The following GORASP2 variants were observed in gnomAD, a reference collection of about 807,000 sequenced individuals.
The protein encoded by GORASP2 is Golgi reassembly-stacking protein 2.
In GORASP2, 22 loss-of-function variants were observed where a neutral mutation model predicts 45.7. That is an observed-to-expected ratio of 0.48 (90% CI 0.34 to 0.69). GORASP2 has a LOEUF of 0.69. GORASP2 is among the 30% of genes least tolerant of loss of function. The probability of loss-of-function intolerance (pLI) is 0.01; values close to 1 mark genes in which losing one functional copy is unlikely to be tolerated. For missense variants in GORASP2, 491 were observed against 562.7 expected, an observed-to-expected ratio of 0.87 and a Z score of 1.29; for synonymous variants, 221 against 215.6, an observed-to-expected ratio of 1.02 and a Z score of -0.22.
At position 170,958,694 on chromosome 2, in the gene GORASP2, T is replaced by C. The variant is rs1174671280; in HGVS notation, c.823+2135T>C. 7.1e-4 allele frequency among the ~76,000 whole-genome samples: 102 copies of C among 142,780 alleles called. 5 individuals carry two copies. The highest frequency in any genetic ancestry group is 2.9e-4 in the Non-Finnish European group (19 of 66,348). 93.7% of individuals were successfully genotyped at this position (142,780 alleles called of 152,430 possible). The stretch of plus-strand genomic sequence containing the variant: ...TTTTTTAAAAAAAAAAAAAACAGAC[T>C]CTGTTGCCCAGGAAGGCTAGAGTAC... On this transcript the variant is annotated intron_variant, in intron 7 of 9. Transcript: ENST00000234160.
chr2:170,930,544 A>G (rs1014744852), intron 1 of GORASP2, among the ~76,000 whole-genome samples: 1 of 152,156 alleles, frequency 6.6e-6, no homozygotes, highest in South Asian at 2.1e-4. Context: ...TGTCTATGTG[A>G]TAGGGCTGAG....
At position 170,937,143 on chromosome 2, in the gene GORASP2, G is replaced by A. The variant is rs1462038800; in HGVS notation, c.63+7740G>A. Among the ~76,000 whole-genome samples the A allele has an allele frequency of 2.0e-5, 3 of 152,204 alleles. No homozygotes were observed. The East Asian group carries it at 5.8e-4, about 30-fold the overall frequency. ...GAATCGCTTGAACCCTGGAGGTGGA[G>A]GTTGCAGTGAGCCGAGATGGTGCCA... On this transcript the variant is annotated intron_variant, in intron 1 of 9. Transcript: ENST00000234160.
chr2:170,965,309 G>T (rs1346299438), intron 9 of GORASP2, among the ~76,000 whole-genome samples: 1 of 152,196 alleles, frequency 6.6e-6, no homozygotes, highest in Non-Finnish European at 1.5e-5. Flanking sequence ...TCCTGGTGAG[G>T]ACAGTGGAAA....
intron 1 of GORASP2, among the ~76,000 whole-genome samples, chr2:170,938,939 G>T (rs543010396): frequency 6.6e-6 from 1 of 152,308 alleles, no homozygotes; most frequent in South Asian, 2.1e-4. Flanking sequence ...GTTGCTGTGA[G>T]CTGAGATTGC....
intron 9 of GORASP2, among the ~76,000 whole-genome samples, chr2:170,963,470 T>TCCTCCTCCTCCC (rs1553599771): frequency 1.5e-5 from 1 of 66,490 alleles, no homozygotes; most frequent in African/African-American, 6.6e-5. Flanking sequence ...CTCCTCCTCC[T>TCCTCCTCCTCCC]CCCCCTCCTC....
intron 9 of GORASP2, among the ~76,000 whole-genome samples, 161 bp from the exon 10 acceptor site, chr2:170,965,629 C>A (rs544699438): frequency 2.6e-5 from 4 of 152,200 alleles, no homozygotes; most frequent in Non-Finnish European, 5.9e-5. Context: ...AATAGTTAAC[C>A]CTGCCAGGGC....
chr2:170,947,864 T>C (rs1460440923), intron 1 of GORASP2, among the ~76,000 whole-genome samples: 1 of 152,196 alleles, frequency 6.6e-6, no homozygotes, highest in African/African-American at 2.4e-5. Flanking sequence ...CTCACACCTG[T>C]AATCCCAGCA....
chr2:170,963,961 A>T (rs2105330806), intron 9 of GORASP2, among the ~76,000 whole-genome samples: 1 of 92,998 alleles, frequency 1.1e-5, no homozygotes, highest in South Asian at 2.8e-4. Context: ...CTTCTTTTGT[A>T]AAAAAAAAAT....
chr2:170,949,151 AAT>A, intron 2 of GORASP2, among the ~76,000 whole-genome samples: 1 of 152,318 alleles, frequency 6.6e-6, no homozygotes, highest in South Asian at 2.1e-4. Flanking sequence ...TGTATTTAGA[AAT>A]AGAGTCCAAA....
At chr2:170,931,324 CT>C (rs1232175024) in intron 1 of GORASP2, among the ~76,000 whole-genome samples, 11 of 152,196 alleles carry the variant, frequency 7.2e-5, no homozygotes, top group African/African-American at 1.7e-4. Context: ...CCCTCTGCCC[CT>C]GATTCTGTAA....
intron 9 of GORASP2, among the ~76,000 whole-genome samples, chr2:170,964,096 TTC>T (rs1704634063): frequency 6.6e-6 from 1 of 152,256 alleles, no homozygotes; most frequent in Non-Finnish European, 1.5e-5. Flanking sequence ...CACTCAGATT[TTC>T]TGTCTGAAAA....
chr2:170,959,752 T>C (rs754360616), intron 7 of GORASP2, among the ~76,000 whole-genome samples: 6 of 152,116 alleles, frequency 3.9e-5, no homozygotes, highest in Non-Finnish European at 8.8e-5. Context: ...ATAAAATTTT[T>C]AGAAAAGATT....
chr2:170,954,880 G>T, intron 6 of GORASP2, 98 bp downstream of exon 6: 1 of 866,782 alleles, frequency 1.2e-6, no homozygotes, highest in South Asian at 1.7e-5. Context: ...ATGAAAATAG[G>T]GTAGACGATG....
chr2:170,956,788 C>T (rs1384803273), intron 7 of GORASP2, among the ~76,000 whole-genome samples: 1 of 151,926 alleles, frequency 6.6e-6, no homozygotes. Flanking sequence ...GTGGTGTGCA[C>T]CTGTAGTCCC....
Position 170,956,476 on chromosome 2 carries a change from C to T in GORASP2, c.740C>T (p.Pro247Leu). ...GTTAATCCCCCGTCTTTGTCACCAC[C>T]AGGAACTACAGGAATTGAACAGAGT... ...SSVNPPSLSP[P>L]GTTGIEQSLT... is the part of the protein sequence containing the mutation. The change falls in exon 7 of 10, where the codon CCA becomes CTA. Residue 247 changes from proline (P) to leucine (L), a missense_variant. Transcript: ENST00000234160. 6.2e-7 allele frequency: 1 copy of T among 1,613,132 alleles called. No individual in the cohort carries two copies. The highest frequency in any genetic ancestry group is 8.5e-7 in the Non-Finnish European group (1 of 1,179,290).
chr2:170,961,655 C>A lies in GORASP2; in HGVS notation c.824-8C>A, dbSNP rs1704564858. 2.0e-6 allele frequency: 3 copies of A among 1,466,698 alleles called. No individual in the cohort carries two copies. Among genetic ancestry groups the A allele is most frequent in the Non-Finnish European group, 2.9e-6 (3 of 1,045,528 alleles). 90.9% of individuals were successfully genotyped at this position (1,466,698 alleles called of 1,614,324 possible). On this transcript the variant is annotated splice_region_variant and splice_polypyrimidine_tract_variant and intron_variant, in intron 7 of 9. Transcript: ENST00000234160. ...GTTAGAAATGAAAAGATTGTGCTTT[C>A]TTTTTAGGTGTACCAACAGTACCGT...
intron 8 of GORASP2, 65 bp from the exon 9 acceptor site, chr2:170,962,774 A>G (rs1219762965): frequency 9.4e-7 from 1 of 1,067,878 alleles, no homozygotes; most frequent in African/African-American, 1.6e-5. Flanking sequence ...TTTTTAATAC[A>G]CGAGGATTTA....
At chr2:170,937,462 A>G (rs1009652575) in intron 1 of GORASP2, among the ~76,000 whole-genome samples, 20 of 152,168 alleles carry the variant, frequency 1.3e-4, no homozygotes, top group African/African-American at 3.9e-4. Flanking sequence ...TAGCCTCCCA[A>G]CGTGCTGGGA....
At chr2:170,948,770 A>T (rs1236081757) in intron 2 of GORASP2, 1 of 167,144 alleles carries the variant, frequency 6.0e-6, no homozygotes, top group East Asian at 1.7e-4. Flanking sequence ...AGAAAGATTC[A>T]TTCTCTCATC....
Sources: allele counts gnomAD v4.1 joint callset (sites outside exome capture counted in the v4.1 genomes callset), GRCh38; gene constraint gnomAD v4.1.1; transcripts MANE v1.5; gene names NCBI Gene and HGNC (gene_info 2026-07-23, HGNC 2026-07-21).